XIRP2: variants seen among roughly 807,000 people sequenced by gnomAD.
The protein encoded by XIRP2 is xin actin-binding repeat-containing protein 2.
XIRP2 carries 236 observed loss-of-function variants against 277.0 expected under a neutral mutation model. The ratio of observed to expected loss-of-function variants is 0.85; its 90% CI spans 0.77 to 0.95. The LOEUF (loss-of-function observed/expected upper bound fraction) is 0.95. XIRP2 is among the 40% of genes least tolerant of loss of function. The pLI is 0.00. For synonymous variants in XIRP2, 1,490 were observed against 1,416.5 expected, an observed-to-expected ratio of 1.05 and a Z score of -1.17; for missense variants, 4,640 against 4,157.5, an observed-to-expected ratio of 1.12 and a Z score of -3.19.
intron 2 of XIRP2, among the ~76,000 whole-genome samples, chr2:167,077,408 T>G (rs1261993425): frequency 6.6e-6 from 1 of 152,130 alleles, no homozygotes; most frequent in African/African-American, 2.4e-5. Flanking sequence ...TGGCAGCCGT[T>G]AGTTTAAGCA....
chr2:167,208,125 C>T (rs1192043181), intron 3 of XIRP2, among the ~76,000 whole-genome samples: 1 of 152,186 alleles, frequency 6.6e-6, no homozygotes, highest in African/African-American at 2.4e-5. Context: ...AATAAATTAC[C>T]TCTAAGCCTC....
At chr2:167,235,093 A>G (rs1321693038) in intron 5 of XIRP2, among the ~76,000 whole-genome samples, 2 of 151,900 alleles carry the variant, frequency 1.3e-5, no homozygotes, top group Non-Finnish European at 2.9e-5. Context: ...TCAGGAGGGT[A>G]CATGTGCATG....
At chr2:167,072,203 T>C (rs778500471) in intron 2 of XIRP2, among the ~76,000 whole-genome samples, 1 of 152,204 alleles carries the variant, frequency 6.6e-6, no homozygotes, top group Admixed American at 6.5e-5. Flanking sequence ...CATACATACA[T>C]GCTGTCCTGT....
chr2:167,220,502 A>G (rs1189823562), intron 5 of XIRP2, among the ~76,000 whole-genome samples: 1 of 152,244 alleles, frequency 6.6e-6, no homozygotes, highest in East Asian at 1.9e-4. Flanking sequence ...ATATTTGTTC[A>G]AACAGTAAAC....
intron 2 of XIRP2, among the ~76,000 whole-genome samples, chr2:166,987,412 A>G (rs1687035522): frequency 1.3e-5 from 2 of 152,328 alleles, no homozygotes; most frequent in South Asian, 4.1e-4. Flanking sequence ...CATCCAGGCT[A>G]TTGGACATGT....
At chr2:167,037,487 G>A (rs1343966990) in intron 2 of XIRP2, among the ~76,000 whole-genome samples, 1 of 148,974 alleles carries the variant, frequency 6.7e-6, no homozygotes, top group Non-Finnish European at 1.5e-5. Flanking sequence ...ATATTGAGTG[G>A]GTTTTTGGCT....
At chr2:167,195,575 A>G (rs1693478210) in intron 3 of XIRP2, among the ~76,000 whole-genome samples, 1 of 152,054 alleles carries the variant, frequency 6.6e-6, no homozygotes, top group Non-Finnish European at 1.5e-5. Flanking sequence ...AGATGGAAGA[A>G]CTCTCACTCA....
rs878871168 is a variant in XIRP2, at chr2:167,242,546, A to ATTTGAT, written c.1177-19_1177-14dup. ...CTGCCACTACACTCACCTTTATAAGATTTGATTTTCTCTCCCCTAAAGACT... is the reference window on the plus strand; with the variant it reads ...CTGCCACTACACTCACCTTTATAAGATTTGATTTTGATTTTCTCTCCCCTAAAGACT... On this transcript the variant is annotated intron_variant, in intron 8 of 10. Coordinates refer to ENST00000409195, the MANE Select transcript of XIRP2 (RefSeq NM_152381.6). The ATTTGAT allele has an allele frequency of 3.2e-6, 5 of 1,586,102 alleles. No individual in the cohort carries two copies. The South Asian group carries it at 5.8e-5, about 19-fold the overall frequency.
intron 2 of XIRP2, among the ~76,000 whole-genome samples, chr2:167,075,357 C>A (rs1689534360): frequency 6.6e-6 from 1 of 152,086 alleles, no homozygotes; most frequent in African/African-American, 2.4e-5. Flanking sequence ...CCTGGGAAAA[C>A]CATATCAAAG....
chr2:166,939,330 T>C (rs1019035945), intron 2 of XIRP2, among the ~76,000 whole-genome samples: 50 of 152,074 alleles, frequency 3.3e-4, no homozygotes, highest in Non-Finnish European at 5.3e-4. Context: ...GTAAAGTATT[T>C]TATTTCTCCT....
chr2:167,049,696 T>A (rs1004514383), intron 2 of XIRP2, among the ~76,000 whole-genome samples: 1 of 152,064 alleles, frequency 6.6e-6, no homozygotes. Flanking sequence ...TTAACTTTTG[T>A]CTTTTTATCT....
At chr2:167,011,546 G>C (rs1161016603) in intron 2 of XIRP2, among the ~76,000 whole-genome samples, 3 of 152,156 alleles carry the variant, frequency 2.0e-5, no homozygotes, top group Admixed American at 6.6e-5. Flanking sequence ...TTTTGGTTGT[G>C]TCTCTGCCAG....
rs565221421 is a variant in XIRP2 at position 166,979,714 on chromosome 2, T to C, written c.408+75824T>C. Among the ~76,000 whole-genome samples the C allele has an allele frequency of 2.3e-3, 344 of 152,284 alleles. 1 individual carries two copies. Among genetic ancestry groups the C allele is most frequent in the African/African-American group, 7.9e-3 (328 of 41,572 alleles). ...CAGCTTTTTTAGTCTTAAGCAAACC[T>C]TGCATTTTAAAGATAAATTATACCT... On this transcript the variant is annotated intron_variant, in intron 2 of 10. Coordinates refer to ENST00000409195, the MANE Select transcript of XIRP2 (RefSeq NM_152381.6).
chr2:167,241,265 C>A (rs117339002), intron 7 of XIRP2, among the ~76,000 whole-genome samples: 1 of 151,886 alleles, frequency 6.6e-6, no homozygotes, highest in East Asian at 1.9e-4. Context: ...CAACTGTGAC[C>A]GAAACTTTAC....
At chr2:167,025,508 G>A (rs1479875043) in intron 2 of XIRP2, among the ~76,000 whole-genome samples, 3 of 151,614 alleles carry the variant, frequency 2.0e-5, no homozygotes, top group Non-Finnish European at 4.4e-5. Flanking sequence ...TTTTGAATGT[G>A]TTTGCTCTTG....
At chr2:167,062,081 G>A (rs1689186365) in intron 2 of XIRP2, among the ~76,000 whole-genome samples, 1 of 152,106 alleles carries the variant, frequency 6.6e-6, no homozygotes, top group African/African-American at 2.4e-5. Flanking sequence ...CTATTGGGAG[G>A]ATTATTTATT....
chr2:167,206,659 AG>A (rs1693863039), intron 3 of XIRP2, among the ~76,000 whole-genome samples: 1 of 152,154 alleles, frequency 6.6e-6, no homozygotes, highest in Non-Finnish European at 1.5e-5. Context: ...CACAATGGGA[AG>A]GGAGAAGGGA....
intron 2 of XIRP2, among the ~76,000 whole-genome samples, chr2:166,935,654 C>A (rs1685476955): frequency 1.3e-5 from 2 of 152,158 alleles, no homozygotes; most frequent in African/African-American, 4.8e-5. Context: ...TGATTGAGAA[C>A]ATACAGTGTT....
At position 167,251,729 on chromosome 2, in the gene XIRP2, A is replaced by G; in HGVS notation, c.10337A>G (p.Lys3446Arg). 3.7e-6 allele frequency: 6 copies of G among 1,613,390 alleles called. No individual in the cohort carries two copies. Among genetic ancestry groups the G allele is most frequent in the Non-Finnish European group, 5.1e-6 (6 of 1,179,590 alleles). The change falls in exon 9 of 11, where the codon AAA becomes AGA. Residue 3446 changes from lysine to arginine, a missense_variant. Coordinates refer to ENST00000409195, the MANE Select transcript of XIRP2 (RefSeq NM_152381.6). ...TSSSHSSEAG[K>R]SGCDFKHAPP... ...TCATCACATAGCTCAGAAGCTGGCA[A>G]ATCTGGCTGTGACTTCAAGCATGCC...
Sources: gnomAD v4.1 joint callset for allele counts (sites outside exome capture counted in the v4.1 genomes callset) on GRCh38, gnomAD v4.1.1 for gene constraint, MANE v1.5 for transcripts, NCBI Gene and HGNC (gene_info 2026-07-23, HGNC 2026-07-21) for gene names.